PSEN2: variants seen among roughly 807,000 people sequenced by gnomAD.
PSEN2 encodes the protein presenilin 2, also known as presenilin-2.
A neutral mutation model predicts 49.1 loss-of-function variants in PSEN2; 32 were observed. The ratio of observed to expected loss-of-function variants is 0.65; its 90% CI spans 0.49 to 0.88. The LOEUF is 0.88. PSEN2 is among the 40% of genes least tolerant of loss of function. PSEN2 has a pLI of 0.00. For missense variants in PSEN2, 522 were observed against 586.9 expected (o/e 0.89, Z 1.14); for synonymous variants, 255 against 244.0 (o/e 1.05, Z -0.42).
At chr1:226,874,911 A>G (rs1358154604) in intron 2 of PSEN2, among the ~76,000 whole-genome samples, 1 of 152,152 alleles carries the variant, frequency 6.6e-6, no homozygotes, top group African/African-American at 2.4e-5. Context: ...GCTTGTTTAA[A>G]AATAAATGTG....
At chr1:226,894,315 G>GGT (rs1339640659) in intron 12 of PSEN2, among the ~76,000 whole-genome samples, 190 bp downstream of exon 12, 3 of 152,244 alleles carry the variant, frequency 2.0e-5, no homozygotes, top group Admixed American at 6.5e-5. Flanking sequence ...CTCGCCCCTA[G>GGT]GTGGGCTCCA....
chr1:226,885,767 A>G (rs1429899586), intron 6 of PSEN2, 88 bp downstream of exon 6: 43 of 1,542,208 alleles, frequency 2.8e-5, no homozygotes, highest in Non-Finnish European at 3.5e-5. Flanking sequence ...CCGCCTTTAG[A>G]AAAACACAAA....
chr1:226,898,584 G>A (rs1662224181), downstream of PSEN2: 1 of 152,152 alleles, frequency 6.6e-6, no homozygotes, highest in African/African-American at 2.4e-5. Context: ...TTTCATATGT[G>A]TATTGGCTGT....
rs1661648243 is a variant in PSEN2 at position 226,890,151 on chromosome 1, G to A, written c.886+18G>A. On this transcript the variant is annotated intron_variant, in intron 9 of 12. Transcript: ENST00000366783. ...ATACTCATGTGAGTGAGCCCCCCGTGCCTCTGCCTGACTCGGGGTCAGCAG... is the reference window on the plus strand; with the variant it reads ...ATACTCATGTGAGTGAGCCCCCCGTACCTCTGCCTGACTCGGGGTCAGCAG... The A allele has an allele frequency of 1.9e-6, 3 of 1,596,388 alleles. No homozygotes were observed. The African/African-American group carries it at 4.0e-5, about 21-fold the overall frequency.
chr1:226,891,020 T>A lies in PSEN2; in HGVS notation c.887-258T>A, dbSNP rs2236914. The A allele has an allele frequency of 0.5, 267,328 of 531,346 alleles. 68,776 individuals carry two copies. Among genetic ancestry groups the A allele is most frequent in the Middle Eastern group, 0.66 (1,290 of 1,944 alleles). The allele number at this position is 531,346 out of a possible 1,614,324, so 32.9% of individuals were successfully genotyped here. On this transcript the variant is annotated intron_variant, in intron 9 of 12. Transcript: ENST00000366783. ...GGGCTCGGGGGATTCACCCGTGAAC[T>A]GTGAGGTCTTGGCTCTGATAGACCT...
chr1:226,890,144 C>A lies in PSEN2; in HGVS notation c.886+11C>A. 1 of 1,603,684 alleles carries A rather than the reference C, an allele frequency of 6.2e-7. No homozygotes were observed. The highest frequency in any genetic ancestry group is 8.5e-7 in the Non-Finnish European group (1 of 1,170,532). On this transcript the variant is annotated intron_variant, in intron 9 of 12. Transcript: ENST00000366783. The stretch of plus-strand genomic sequence containing the variant: ...CCCTGATATACTCATGTGAGTGAGC[C>A]CCCCGTGCCTCTGCCTGACTCGGGG...
chr1:226,878,816 T>G (rs1314336325), intron 3 of PSEN2, among the ~76,000 whole-genome samples: 5 of 152,186 alleles, frequency 3.3e-5, no homozygotes, highest in Non-Finnish European at 7.3e-5. Flanking sequence ...CAGCCTCGTA[T>G]CTCATCCAGC....
chr1:226,882,532 G>A (rs1661067622), intron 4 of PSEN2, among the ~76,000 whole-genome samples: 2 of 152,176 alleles, frequency 1.3e-5, no homozygotes, highest in African/African-American at 4.8e-5. Context: ...AGATTGTAAC[G>A]TTAGAAAGAG....
Position 226,882,062 on chromosome 1 carries a change from G to A in PSEN2, c.141+14G>A. The A allele has an allele frequency of 6.2e-7, 1 of 1,613,594 alleles. No homozygotes were observed. The highest frequency in any genetic ancestry group is 8.5e-7 in the Non-Finnish European group (1 of 1,179,918). On this transcript the variant is annotated intron_variant, in intron 4 of 12. Coordinates refer to ENST00000366783, the MANE Select transcript of PSEN2 (RefSeq NM_000447.3). The stretch of plus-strand genomic sequence containing the variant: ...ACTGCCCAGTGGGTAGGTCCCACCA[G>A]CAGCTGGGGGCCTTCAAACAGGTCC...
downstream of PSEN2, among the ~76,000 whole-genome samples, chr1:226,896,809 C>G (rs12076480): frequency 0.051 from 7,744 of 152,050 alleles, 674 homozygotes; most frequent in African/African-American, 0.18. Flanking sequence ...TGCAATGAGC[C>G]GAGATCAAGC....
intron 5 of PSEN2, among the ~76,000 whole-genome samples, chr1:226,884,340 G>C (rs904875426): frequency 1.4e-4 from 22 of 152,170 alleles, no homozygotes; most frequent in African/African-American, 5.3e-4. Flanking sequence ...CTGAGTCTCT[G>C]CTTCCCTGAA....
chr1:226,884,031 GT>G, intron 5 of PSEN2, 112 bp downstream of exon 5: 1 of 952,000 alleles, frequency 1.1e-6, no homozygotes. Context: ...ACCAGCAGCG[GT>G]AAAGAGCAGG....
intron 8 of PSEN2, 95 bp downstream of exon 8, chr1:226,889,144 T>A: frequency 8.6e-7 from 1 of 1,162,592 alleles, no homozygotes; most frequent in Non-Finnish European, 1.2e-6. Context: ...GCTGAAGGGC[T>A]TGCATCCCTT....
At chr1:226,886,040 A>T (rs2236912) in intron 6 of PSEN2, among the ~76,000 whole-genome samples, 43,446 of 146,488 alleles carry the variant, frequency 0.3, 6,883 homozygotes, top group African/African-American at 0.43. Flanking sequence ...TAATTAAAAA[A>T]TTTTTTTTTG....
At position 226,895,499 on chromosome 1, in the gene PSEN2, G is replaced by A; in HGVS notation, c.1267G>A (p.Gly423Arg). ...LPALPISITF[G>R]LIFYFSTDNL... Reference sequence around the variant, plus strand: ...CGCCCTCCCCATCTCCATCACGTTCGGGCTCATCTTTTACTTCTCCACGGA... The same window carrying A: ...CGCCCTCCCCATCTCCATCACGTTCAGGCTCATCTTTTACTTCTCCACGGA... The change falls in exon 13 of 13, where the codon GGG becomes AGG. Residue 423 changes from glycine (G) to arginine (R), a missense_variant. By Grantham distance (125) the Gly-to-Arg change is moderately radical. Coordinates refer to ENST00000366783, the MANE Select transcript of PSEN2 (RefSeq NM_000447.3). 2.5e-6 allele frequency: 4 copies of A among 1,613,828 alleles called. No homozygotes were observed. Among genetic ancestry groups the A allele is most frequent in the Admixed American group, 1.7e-5 (1 of 59,986 alleles).
At chr1:226,887,751 T>G (rs1038931742) in intron 6 of PSEN2, among the ~76,000 whole-genome samples, 1 of 152,182 alleles carries the variant, frequency 6.6e-6, no homozygotes, top group Admixed American at 6.5e-5. Flanking sequence ...GCAGAGACTT[T>G]GCTAGCCTTG....
chr1:226,897,985 T>G (rs1166704868), downstream of PSEN2: 2 of 153,322 alleles, frequency 1.3e-5, no homozygotes, highest in Non-Finnish European at 2.9e-5. Flanking sequence ...AGATGGAGTT[T>G]TGCTCTTGTC....
intron 12 of PSEN2, among the ~76,000 whole-genome samples, chr1:226,902,569 G>A (rs1025720307): frequency 6.6e-6 from 1 of 152,162 alleles, no homozygotes; most frequent in African/African-American, 2.4e-5. Flanking sequence ...AGTGGGGTTG[G>A]AAGGTAGGCA....
At chr1:226,878,417 C>G (rs1660769638) in intron 3 of PSEN2, among the ~76,000 whole-genome samples, 1 of 152,182 alleles carries the variant, frequency 6.6e-6, no homozygotes, top group South Asian at 2.1e-4. Flanking sequence ...TTGTAAGGAA[C>G]TGATTCTACT....
Sources: allele counts gnomAD v4.1 joint callset (sites outside exome capture counted in the v4.1 genomes callset), GRCh38; gene constraint gnomAD v4.1.1; transcripts MANE v1.5; gene names NCBI Gene and HGNC (gene_info 2026-07-23, HGNC 2026-07-21).